The following UBE3D variants were observed in gnomAD, a reference collection of about 807,000 sequenced individuals.
The protein encoded by UBE3D is ubiquitin protein ligase E3D.
UBE3D carries 48 observed loss-of-function variants against 49.6 expected under a neutral mutation model. The ratio of observed to expected loss-of-function variants is 0.97; its 90% confidence interval spans 0.77 to 1.23. UBE3D has a LOEUF of 1.23. Among genes scored for constraint, UBE3D ranks in the 50% most tolerant of loss-of-function variants. The pLI is 0.00. For missense variants in UBE3D, 452 were observed against 468.4 expected (o/e 0.96, Z 0.32); for synonymous variants, 189 against 174.2 (o/e 1.08, Z -0.67).
intron 8 of UBE3D, among the ~76,000 whole-genome samples, chr6:82,960,795 C>T (rs1418648813): frequency 2.0e-5 from 3 of 151,962 alleles, no homozygotes; most frequent in African/African-American, 7.2e-5. Context: ...CAGGTATTAA[C>T]CTCTTACTGG....
chr6:83,065,577 C>T lies in UBE3D; in HGVS notation c.77+65G>A, dbSNP rs892485986. The T allele has an allele frequency of 4.0e-6, 6 of 1,503,950 alleles. No homozygotes were observed. In the African/African-American group the frequency reaches 4.2e-5, roughly 10 times the overall value. The allele number at this position is 1,503,950 out of a possible 1,614,324, so 93.2% of individuals were successfully genotyped here. On this transcript the variant is annotated intron_variant, in intron 1 of 9. Coordinates refer to ENST00000369747, the MANE Select transcript of UBE3D (RefSeq NM_198920.3). The stretch of plus-strand genomic sequence containing the variant: ...ATCCCTCGTACAGAGAGAGACTCAC[C>T]AGCCCCCGACCCCCGGGCAGCAGTA...
chr6:82,983,513 T>TA (rs1778254892), intron 8 of UBE3D, among the ~76,000 whole-genome samples: 1 of 151,906 alleles, frequency 6.6e-6, no homozygotes, highest in Admixed American at 6.6e-5. Context: ...TCAATACTTT[T>TA]AGGCTTTTTC....
chr6:82,955,364 T>TA (rs1020217834), intron 9 of UBE3D, among the ~76,000 whole-genome samples: 4 of 152,168 alleles, frequency 2.6e-5, no homozygotes, highest in Admixed American at 6.5e-5. Flanking sequence ...CAATACGCCG[T>TA]AAAATCCTTT....
chr6:82,999,150 G>A (rs1779443512), intron 8 of UBE3D, among the ~76,000 whole-genome samples: 1 of 152,088 alleles, frequency 6.6e-6, no homozygotes, highest in Non-Finnish European at 1.5e-5. Flanking sequence ...TAAAACAGAA[G>A]CCATCAGAGG....
At chr6:83,053,098 G>A (rs532269312) in intron 3 of UBE3D, among the ~76,000 whole-genome samples, 24 of 152,348 alleles carry the variant, frequency 1.6e-4, no homozygotes, top group African/African-American at 4.6e-4. Context: ...ACACAAATAC[G>A]TAAACTTTCT....
At position 83,054,151 on chromosome 6, in the gene UBE3D, T is replaced by G. The variant is rs1464349964; in HGVS notation, c.362A>C (p.Asp121Ala). 6 of 1,612,864 alleles carry G rather than the reference T, an allele frequency of 3.7e-6. No homozygotes were observed. In the East Asian group the frequency reaches 1.1e-4, roughly 30 times the overall value. The change falls in exon 3 of 10, where the codon GAC (aspartate) becomes GCC (alanine). Residue 121 changes from aspartate to alanine, a missense_variant. Physicochemically the swap from Asp to Ala is moderately radical, Grantham distance 126. Coordinates refer to ENST00000369747, the MANE Select transcript of UBE3D (RefSeq NM_198920.3). Reference protein sequence around the residue: ...CQSCGEVIIKDRKLLRVLPLP... With the variant: ...CQSCGEVIIKARKLLRVLPLP... ...CAGTGTTAAATATATTCCTTACCTG[T>G]CTTTTATTATGACTTCACCGCAGGA...
rs553069306 is a variant in UBE3D, at chr6:82,913,276, G to A, written c.1150-20234C>T. Among the ~76,000 whole-genome samples, 15 of 152,276 alleles carry A rather than the reference G, an allele frequency of 9.9e-5. No individual in the cohort carries two copies. The South Asian group carries it at 1.9e-3, about 19-fold the overall frequency. The stretch of plus-strand genomic sequence containing the variant: ...ATCACTGTACTGTTGCAAGGTTGAC[G>A]TCCAATAAATTATAATTTTAGCAGC... On this transcript the variant is annotated intron_variant, in intron 9 of 9. Transcript: ENST00000369747.
chr6:83,044,604 C>G lies in UBE3D; in HGVS notation c.421G>C (p.Glu141Gln). Reference protein sequence around the residue: ...PSENWGALVGEWCCHPDPFAN... With the variant: ...PSENWGALVGQWCCHPDPFAN... ...AAGGGGTCAGGATGACAACACCATT[C>G]TCCAACTAGAGCTCCCCAGTTCTCA... is the stretch of plus-strand genomic sequence containing the variant. Residue 141 changes from glutamate (E) to glutamine (Q), a missense_variant, in exon 4 of 10, where the codon GAA becomes CAA. Coordinates refer to ENST00000369747, the MANE Select transcript of UBE3D (RefSeq NM_198920.3). 6.2e-7 allele frequency: 1 copy of G among 1,614,146 alleles called. No homozygotes were observed. The highest frequency in any genetic ancestry group is 8.5e-7 in the Non-Finnish European group (1 of 1,179,996).
Position 83,057,942 on chromosome 6 carries a change from G to A in UBE3D, c.158C>T (p.Thr53Ile). The change falls in exon 2 of 10, where the codon ACA becomes ATA. Residue 53 changes from threonine (T) to isoleucine (I), a missense_variant. Thr to Ile is a moderately conservative substitution (Grantham distance 89). Coordinates refer to ENST00000369747, the MANE Select transcript of UBE3D (RefSeq NM_198920.3). ...SLQMKTPEGC[T>I]EIQLPAEVRL... ...GACCTCTGCTGGAAGCTGGATTTCT[G>A]TGCAGCCTTCAGGGGTTTTCATCTG... 6.2e-7 allele frequency: 1 copy of A among 1,614,154 alleles called. No homozygotes were observed. Among genetic ancestry groups the A allele is most frequent in the Non-Finnish European group, 8.5e-7 (1 of 1,180,034 alleles).
At chr6:82,974,736 C>T (rs1777595907) in intron 8 of UBE3D, among the ~76,000 whole-genome samples, 1 of 150,632 alleles carries the variant, frequency 6.6e-6, no homozygotes, top group Admixed American at 6.6e-5. Flanking sequence ...TGTAAGAAAG[C>T]TGTGAAAGGT....
At chr6:82,936,041 GA>G (rs879942014) in intron 9 of UBE3D, among the ~76,000 whole-genome samples, 4 of 151,966 alleles carry the variant, frequency 2.6e-5, no homozygotes, top group Non-Finnish European at 5.9e-5. Context: ...TAGTAATGGG[GA>G]AATGTGGGAT....
At chr6:82,908,260 G>C (rs1772245882) in intron 9 of UBE3D, among the ~76,000 whole-genome samples, 1 of 152,110 alleles carries the variant, frequency 6.6e-6, no homozygotes, top group Non-Finnish European at 1.5e-5. Context: ...TAGGATAATG[G>C]TTACATGGGT....
Position 82,938,737 on chromosome 6 carries a change from T to A in UBE3D, c.1149+18575A>T, listed in dbSNP as rs990498094. 5 of 152,210 alleles carry A rather than the reference T, an allele frequency of 3.3e-5. 1 individual carries two copies. The highest frequency in any genetic ancestry group is 7.2e-5 in the African/African-American group (3 of 41,450). 9.4% of individuals were successfully genotyped at this position (152,210 alleles called of 1,614,324 possible). A position where few individuals can be genotyped will look rare whatever the true frequency, so the allele number is the denominator to read the frequency against. ...CAGTTTTCGTTCTTGAAATTCCCTA[T>A]CATACACACTTTTGGATGCTTGTTA... On this transcript the variant is annotated intron_variant, in intron 9 of 9. Coordinates refer to ENST00000369747, the MANE Select transcript of UBE3D (RefSeq NM_198920.3).
At chr6:82,883,849 CA>C in the UBE3D span, among the ~76,000 whole-genome samples, 3 of 151,568 alleles carry the variant, frequency 2.0e-5, no homozygotes, top group Non-Finnish European at 4.4e-5. Context: ...GTAGAATAGG[CA>C]AAAAAAAGTA....
intron 8 of UBE3D, among the ~76,000 whole-genome samples, chr6:82,995,490 T>TCACACACA (rs56663287): frequency 0.014 from 1,981 of 138,212 alleles, 50 homozygotes; most frequent in Admixed American, 0.056. Context: ...ATACTAACAA[T>TCACACACA]CACACACACA....
rs574398725 is a variant in UBE3D at position 83,011,582 on chromosome 6, T to C, written c.1010+7391A>G. On this transcript the variant is annotated intron_variant, in intron 8 of 9. Transcript: ENST00000369747. ...ACTCTTCCTTACTTCCATTGTGGAG[T>C]AGTAGACTGATTTCATCTTGACAGT... Among the ~76,000 whole-genome samples, 25 of 152,208 alleles carry C rather than the reference T, an allele frequency of 1.6e-4. No homozygotes were observed. The South Asian group carries it at 5.2e-3, about 32-fold the overall frequency.
chr6:82,990,274 C>T (rs961204005), intron 8 of UBE3D, among the ~76,000 whole-genome samples: 1 of 152,006 alleles, frequency 6.6e-6, no homozygotes, highest in Non-Finnish European at 1.5e-5. Flanking sequence ...AGAGAAATTG[C>T]CTTTCCTTTT....
At chr6:82,889,393 T>C (rs971816866), downstream of UBE3D, among the ~76,000 whole-genome samples, 11 of 152,240 alleles carry the variant, frequency 7.2e-5, no homozygotes, top group Non-Finnish European at 1.6e-4. Context: ...CATCAGCATG[T>C]CTGGGTCTAA....
At chr6:82,974,009 A>G (rs1315828222) in intron 8 of UBE3D, among the ~76,000 whole-genome samples, 1 of 152,178 alleles carries the variant, frequency 6.6e-6, no homozygotes, top group East Asian at 1.9e-4. Flanking sequence ...GTAGGAAAAC[A>G]GGCTTAGAGC....
Sources: allele counts gnomAD v4.1 joint callset (sites outside exome capture counted in the v4.1 genomes callset), GRCh38; gene constraint gnomAD v4.1.1; transcripts MANE v1.5; gene names NCBI Gene and HGNC (gene_info 2026-07-23, HGNC 2026-07-21).